The following ADAMTS17 variants were observed in gnomAD, a reference collection of about 807,000 sequenced individuals.
The protein encoded by ADAMTS17 is A disintegrin and metalloproteinase with thrombospondin motifs 17.
Under a neutral mutation model 141.5 loss-of-function variants are expected in ADAMTS17, and 113 were observed. The observed-to-expected ratio is 0.80, with a 90% confidence interval of 0.69 to 0.93. The LOEUF (loss-of-function observed/expected upper bound fraction) is 0.93. Ranked by LOEUF, ADAMTS17 falls within the 40% of genes least tolerant of loss-of-function variation. The pLI is 0.00. For missense variants in ADAMTS17, 1,659 were observed against 1,517.9 expected, an observed-to-expected ratio of 1.09 and a Z score of -1.54; for synonymous variants, 768 against 630.6, an observed-to-expected ratio of 1.22 and a Z score of -3.27.
chr15:99,977,878 G>C (rs2060398481), intron 20 of ADAMTS17, among the ~76,000 whole-genome samples: 1 of 152,146 alleles, frequency 6.6e-6, no homozygotes, highest in African/African-American at 2.4e-5. Context: ...AAGACAGCCA[G>C]GTCCATGAGT....
intron 18 of ADAMTS17, among the ~76,000 whole-genome samples, chr15:100,033,380 C>T (rs559903886): frequency 3.9e-5 from 6 of 152,314 alleles, no homozygotes; most frequent in Admixed American, 3.9e-4. Context: ...AGTAACATTC[C>T]AGTTGGGCTG....
chr15:100,027,305 C>A lies in ADAMTS17; in HGVS notation c.2591+21552G>T, dbSNP rs186183175. ...TTTTTCTATTGCTTTTAGTTGCATT[C>A]TTTTCATTTTGTCAGAGCATATAAC... On this transcript the variant is annotated intron_variant, in intron 18 of 21. Coordinates refer to ENST00000268070, the MANE Select transcript of ADAMTS17 (RefSeq NM_139057.4). 2.7e-3 allele frequency among the ~76,000 whole-genome samples: 408 copies of A among 152,050 alleles called. 3 individuals are homozygous for A. Among genetic ancestry groups the A allele is most frequent in the African/African-American group, 9.2e-3 (382 of 41,482 alleles).
chr15:100,290,090 G>A (rs972840998), intron 3 of ADAMTS17, among the ~76,000 whole-genome samples: 1 of 151,972 alleles, frequency 6.6e-6, no homozygotes, highest in Admixed American at 6.6e-5. Context: ...GCTTGCAGAC[G>A]TTATGATTTT....
chr15:100,234,045 A>C (rs995196588), intron 7 of ADAMTS17, among the ~76,000 whole-genome samples: 1 of 152,198 alleles, frequency 6.6e-6, no homozygotes, highest in Admixed American at 6.5e-5. Flanking sequence ...CATGTAAGAA[A>C]AAACTGTTGA....
Position 100,250,245 on chromosome 15 carries a change from A to T in ADAMTS17, c.1075+3891T>A, listed in dbSNP as rs763011813. On this transcript the variant is annotated intron_variant, in intron 7 of 21. Coordinates refer to ENST00000268070, the MANE Select transcript of ADAMTS17 (RefSeq NM_139057.4). ...GCACCCTAATTAAAACAACAACAAA[A>T]AAACGCTGTTATATACCAAATTACA... Among the ~76,000 whole-genome samples the T allele has an allele frequency of 8.5e-5, 13 of 152,206 alleles. 1 individual carries two copies.
intron 2 of ADAMTS17, among the ~76,000 whole-genome samples, chr15:100,337,938 C>G (rs950878543): frequency 6.6e-6 from 1 of 152,232 alleles, no homozygotes; most frequent in Admixed American, 6.5e-5. Context: ...GGCAGCTGAT[C>G]CGAACTTACA....
intron 7 of ADAMTS17, among the ~76,000 whole-genome samples, chr15:100,246,560 T>C (rs1414727659): frequency 6.6e-6 from 1 of 152,200 alleles, no homozygotes; most frequent in Admixed American, 6.5e-5. Context: ...TTCCCCTTTG[T>C]AACCTTCTCA....
chr15:100,057,622 G>A (rs1341092471), intron 15 of ADAMTS17, among the ~76,000 whole-genome samples: 1 of 152,142 alleles, frequency 6.6e-6, no homozygotes, highest in African/African-American at 2.4e-5. Flanking sequence ...TGGTACCCAG[G>A]GTTTCTCCTG....
intron 3 of ADAMTS17, among the ~76,000 whole-genome samples, chr15:100,299,184 T>C (rs1005370871): frequency 6.6e-6 from 1 of 152,168 alleles, no homozygotes; most frequent in Non-Finnish European, 1.5e-5. Flanking sequence ...CTTCAACCTA[T>C]GAACTTGGGG....
At chr15:100,323,055 C>CA (rs1555508769) in intron 3 of ADAMTS17, among the ~76,000 whole-genome samples, 7 of 142,334 alleles carry the variant, frequency 4.9e-5, no homozygotes, top group Non-Finnish European at 9.0e-5. Flanking sequence ...CCACTGAACT[C>CA]CAGCCCGGGA....
chr15:100,135,412 T>C (rs1028506618), intron 10 of ADAMTS17, among the ~76,000 whole-genome samples: 54 of 151,816 alleles, frequency 3.6e-4, no homozygotes, highest in Non-Finnish European at 7.1e-4. Context: ...GCCTTCCGAG[T>C]AGCTGGGACC....
chr15:100,287,548 C>T (rs2044487306), intron 3 of ADAMTS17, among the ~76,000 whole-genome samples: 1 of 152,142 alleles, frequency 6.6e-6, no homozygotes, highest in Non-Finnish European at 1.5e-5. Context: ...CTGAAAGATC[C>T]TATACAAGAT....
At chr15:100,184,375 G>A (rs114558351) in intron 8 of ADAMTS17, among the ~76,000 whole-genome samples, 2,249 of 152,304 alleles carry the variant, frequency 0.015, 63 homozygotes, top group African/African-American at 0.051. Context: ...CCATGTTGTC[G>A]TTCTCAAGCC....
intron 6 of ADAMTS17, among the ~76,000 whole-genome samples, chr15:100,260,909 G>A (rs1164223583): frequency 6.6e-6 from 1 of 152,188 alleles, no homozygotes; most frequent in African/African-American, 2.4e-5. Context: ...TAAAGGGAGA[G>A]TTTTGGTATG....
chr15:100,014,278 T>A (rs2061245157), intron 18 of ADAMTS17, among the ~76,000 whole-genome samples: 2 of 152,202 alleles, frequency 1.3e-5, no homozygotes, highest in Non-Finnish European at 1.5e-5. Context: ...TCTCTCTTCT[T>A]TTCTTGGTTA....
At chr15:100,270,171 G>GCTCTGGAGCCATTTCTTCTGTGA (rs55997714) in intron 4 of ADAMTS17, among the ~76,000 whole-genome samples, 1 of 129,124 alleles carries the variant, frequency 7.7e-6, no homozygotes, top group African/African-American at 2.8e-5. Flanking sequence ...TTCTTCTGTG[G>GCTCTGGAGCCATTTCTTCTGTGA]CTCTGGAGCC....
intron 12 of ADAMTS17, among the ~76,000 whole-genome samples, chr15:100,120,118 G>T (rs745977640): frequency 1.5e-4 from 23 of 152,208 alleles, no homozygotes; most frequent in Non-Finnish European, 1.8e-4. Context: ...CCAACAGAGG[G>T]AATGATGTCG....
intron 7 of ADAMTS17, among the ~76,000 whole-genome samples, chr15:100,227,139 C>G (rs905472422): frequency 1.3e-5 from 2 of 152,170 alleles, no homozygotes; most frequent in Non-Finnish European, 2.9e-5. Context: ...CGAGTGCCCC[C>G]TCAGCCAGAT....
chr15:100,098,033 C>A (rs1434343206), intron 14 of ADAMTS17, among the ~76,000 whole-genome samples: 2 of 152,082 alleles, frequency 1.3e-5, no homozygotes, highest in African/African-American at 4.8e-5. Context: ...AAGGGCAGAG[C>A]TTGAATAAAA....
Sources: allele counts gnomAD v4.1 joint callset (sites outside exome capture counted in the v4.1 genomes callset), GRCh38; gene constraint gnomAD v4.1.1; transcripts MANE v1.5; gene names NCBI Gene and HGNC (gene_info 2026-07-23, HGNC 2026-07-21).